The following STARD13 variants were observed in gnomAD, a reference collection of about 807,000 sequenced individuals.
STARD13 encodes the protein stAR-related lipid transfer protein 13.
A neutral mutation model predicts 106.4 loss-of-function variants in STARD13; 62 were observed. The observed-to-expected ratio is 0.58, with a 90% CI of 0.48 to 0.72. The LOEUF (loss-of-function observed/expected upper bound fraction) is 0.72, where lower values mean the gene tolerates loss of function less well. Ranked by LOEUF, STARD13 falls within the 30% of genes least tolerant of loss-of-function variation. The probability of loss-of-function intolerance (pLI) is 0.00; values close to 1 mark genes in which losing one functional copy is unlikely to be tolerated. For missense variants in STARD13, 1,387 were observed against 1,424.0 expected, an observed-to-expected ratio of 0.97 and a Z score of 0.42; for synonymous variants, 565 against 553.0, an observed-to-expected ratio of 1.02 and a Z score of -0.31.
chr13:33,309,891 T>C (rs1386686852), intron 1 of STARD13, among the ~76,000 whole-genome samples: 1 of 152,226 alleles, frequency 6.6e-6, no homozygotes, highest in African/African-American at 2.4e-5. Context: ...CTGACCCACC[T>C]GTTCCTGTGT....
the STARD13 span, among the ~76,000 whole-genome samples, chr13:33,567,721 T>A: frequency 4.7e-5 from 7 of 148,078 alleles, no homozygotes; most frequent in Non-Finnish European, 9.0e-5. Flanking sequence ...TTAATGAAAT[T>A]CACTCTGGAA....
chr13:33,551,098 CAACAT>C, the STARD13 span, among the ~76,000 whole-genome samples: 3 of 152,150 alleles, frequency 2.0e-5, no homozygotes, highest in East Asian at 5.8e-4. Context: ...CAAAACAAAA[CAACAT>C]AATGAGTAAG....
the STARD13 span, among the ~76,000 whole-genome samples, chr13:33,370,616 T>C: frequency 2.0e-5 from 3 of 147,038 alleles, no homozygotes; most frequent in Non-Finnish European, 3.0e-5. Flanking sequence ...TCTTTCTTTC[T>C]TTCTTTTTTT....
intron 1 of STARD13, among the ~76,000 whole-genome samples, chr13:33,254,816 T>C (rs1460005768): frequency 1.3e-5 from 2 of 152,106 alleles, no homozygotes; most frequent in Non-Finnish European, 1.5e-5. Flanking sequence ...GTGTTCCCAC[T>C]CCAACCCCTC....
At chr13:33,394,181 C>T in the STARD13 span, among the ~76,000 whole-genome samples, 1 of 151,712 alleles carries the variant, frequency 6.6e-6, no homozygotes, top group East Asian at 1.9e-4. Flanking sequence ...TTTTATGGCC[C>T]ATTGTCTCCT....
At chr13:33,574,113 G>A in the STARD13 span, among the ~76,000 whole-genome samples, 14 of 152,134 alleles carry the variant, frequency 9.2e-5, no homozygotes, top group African/African-American at 2.9e-4. Flanking sequence ...TGGAAGAGAG[G>A]CATACAGGGG....
chr13:33,256,355 G>A (rs539116056), intron 1 of STARD13, among the ~76,000 whole-genome samples: 1 of 152,314 alleles, frequency 6.6e-6, no homozygotes, highest in Admixed American at 6.5e-5. Flanking sequence ...CCTACAGTCA[G>A]CAGTGTTGCC....
chr13:33,303,984 C>G (rs1215540807), intron 1 of STARD13, among the ~76,000 whole-genome samples: 2 of 152,222 alleles, frequency 1.3e-5, no homozygotes, highest in Non-Finnish European at 2.9e-5. Context: ...AGGCCCCACC[C>G]TAGACCTACT....
At chr13:33,255,063 A>C (rs1262779561) in intron 1 of STARD13, among the ~76,000 whole-genome samples, 1 of 151,606 alleles carries the variant, frequency 6.6e-6, no homozygotes, top group Non-Finnish European at 1.5e-5. Context: ...GTAACACACG[A>C]CAACTTGGGC....
At chr13:33,440,115 A>C in the STARD13 span, among the ~76,000 whole-genome samples, 1 of 152,102 alleles carries the variant, frequency 6.6e-6, no homozygotes, top group African/African-American at 2.4e-5. Context: ...CCTGCTCTAC[A>C]AAAAAATTTT....
the STARD13 span, among the ~76,000 whole-genome samples, chr13:33,644,677 C>T: frequency 1.3e-5 from 2 of 152,252 alleles, no homozygotes; most frequent in South Asian, 4.2e-4. Flanking sequence ...CACTCCAAGC[C>T]TATAATTGAC....
the STARD13 span, among the ~76,000 whole-genome samples, chr13:33,414,421 C>T: frequency 6.6e-6 from 1 of 152,200 alleles, no homozygotes; most frequent in Admixed American, 6.5e-5. Context: ...AATGGTTGAG[C>T]AAACTTTGGT....
chr13:33,298,730 C>T lies in STARD13; in HGVS notation c.124+51560G>A, dbSNP rs114926537. Among the ~76,000 whole-genome samples, 1,052 of 152,154 alleles carry T rather than the reference C, an allele frequency of 6.9e-3. 7 individuals are homozygous for T. The highest frequency in any genetic ancestry group is 0.023 in the African/African-American group (943 of 41,502). ...TCTATTATTTGAGTCAACTAGATCACAATCTAAGCCAAGCAAAAGCAAACT... is the reference window on the plus strand; with the variant it reads ...TCTATTATTTGAGTCAACTAGATCATAATCTAAGCCAAGCAAAAGCAAACT... On this transcript the variant is annotated intron_variant, in intron 1 of 5. Coordinates refer to the STARD13 transcript ENST00000567873.
the STARD13 span, among the ~76,000 whole-genome samples, chr13:33,409,573 G>A: frequency 6.6e-6 from 1 of 152,204 alleles, no homozygotes; most frequent in Non-Finnish European, 1.5e-5. Flanking sequence ...ATGCATTAGA[G>A]ATTCAACAGG....
the STARD13 span, among the ~76,000 whole-genome samples, chr13:33,476,880 C>T: frequency 5.3e-5 from 8 of 152,194 alleles, no homozygotes; most frequent in African/African-American, 1.9e-4. Flanking sequence ...ACATTGACTC[C>T]AGTCAGAACC....
chr13:33,245,883 G>T (rs889330368), intron 1 of STARD13, among the ~76,000 whole-genome samples: 9 of 152,046 alleles, frequency 5.9e-5, no homozygotes, highest in Non-Finnish European at 1.5e-5. Context: ...AATTTATAGG[G>T]AGTTGATTAA....
At chr13:33,416,112 G>T in the STARD13 span, among the ~76,000 whole-genome samples, 1 of 152,160 alleles carries the variant, frequency 6.6e-6, no homozygotes, top group Non-Finnish European at 1.5e-5. Context: ...TCCTGGCCAA[G>T]GCCATTTTCA....
At chr13:33,303,280 C>T (rs979772520) in intron 1 of STARD13, among the ~76,000 whole-genome samples, 1 of 152,106 alleles carries the variant, frequency 6.6e-6, no homozygotes, top group South Asian at 2.1e-4. Flanking sequence ...CCACAATATC[C>T]CACGCACATC....
chr13:33,483,400 A>G, the STARD13 span, among the ~76,000 whole-genome samples: 8 of 152,372 alleles, frequency 5.3e-5, no homozygotes, highest in East Asian at 1.5e-3. Flanking sequence ...TTTTCACCAT[A>G]TCTCAGGAAG....
Sources: gnomAD v4.1 joint callset for allele counts (sites outside exome capture counted in the v4.1 genomes callset) on GRCh38, gnomAD v4.1.1 for gene constraint, MANE v1.5 for transcripts, NCBI Gene and HGNC (gene_info 2026-07-23, HGNC 2026-07-21) for gene names.